Variants in HMGN5 observed in about 807,000 individuals in gnomAD.
HMGN5 encodes the protein high mobility group nucleosome-binding domain-containing protein 5.
A neutral mutation model predicts 9.5 loss-of-function variants in HMGN5; 4 were observed. That is an observed-to-expected ratio of 0.42 (90% CI 0.21 to 0.96). The LOEUF is 0.96. HMGN5 is among the 40% of genes least tolerant of loss of function. The probability of loss-of-function intolerance (pLI) is 0.30; values close to 1 mark genes in which losing one functional copy is unlikely to be tolerated. For missense variants in HMGN5, 192 were observed against 187.5 expected (o/e 1.02, Z -0.14); for synonymous variants, 55 against 57.1 (o/e 0.96, Z 0.16).
At chrX:81,193,755 G>C (rs189477375) in intron 1 of HMGN5, among the ~76,000 whole-genome samples, 5 of 112,093 alleles carry the variant, frequency 4.5e-5, no homozygotes, top group Admixed American at 3.8e-4. Context: ...TCACATATGA[G>C]TTTAGAAAAT....
At chrX:81,122,052 T>A (rs1450768247) in intron 1 of HMGN5, among the ~76,000 whole-genome samples, 1 of 112,494 alleles carries the variant, frequency 8.9e-6, no homozygotes, top group Non-Finnish European at 1.9e-5. Flanking sequence ...CCTAGCGGGA[T>A]AAGTGCTTTT....
At chrX:81,143,131 A>C (rs2147555538) in intron 1 of HMGN5, among the ~76,000 whole-genome samples, 1 of 112,076 alleles carries the variant, frequency 8.9e-6, no homozygotes, top group South Asian at 3.7e-4. Flanking sequence ...AATACAATGG[A>C]TACACAAAAA....
intron 1 of HMGN5, among the ~76,000 whole-genome samples, chrX:81,158,839 GTATAATGTGTAGCTAGCA>G (rs2147570159): frequency 9.0e-6 from 1 of 111,507 alleles, no homozygotes; most frequent in South Asian, 3.7e-4. Flanking sequence ...GTTAATTTTT[GTATAATGTGTAGCTAGCA>G]TTTGGTCCAG....
At chrX:81,167,000 T>C (rs1343967473) in intron 1 of HMGN5, among the ~76,000 whole-genome samples, 1 of 111,319 alleles carries the variant, frequency 9.0e-6, no homozygotes, top group African/African-American at 3.3e-5. Flanking sequence ...ACTTTCAGAA[T>C]AGATATCACT....
intron 1 of HMGN5, among the ~76,000 whole-genome samples, chrX:81,164,615 T>C (rs771023649): frequency 2.7e-5 from 3 of 111,696 alleles, no homozygotes; most frequent in Non-Finnish European, 5.7e-5. Context: ...GGTTGCTCTA[T>C]TATCTATTTG....
At chrX:81,131,419 C>T (rs2075297461) in intron 1 of HMGN5, among the ~76,000 whole-genome samples, 1 of 111,080 alleles carries the variant, frequency 9.0e-6, no homozygotes, top group African/African-American at 3.3e-5. Context: ...GTCAGGTGAA[C>T]CCCTGCAAAG....
intron 1 of HMGN5, among the ~76,000 whole-genome samples, chrX:81,201,317 G>A (rs1418940006): frequency 9.1e-6 from 1 of 110,291 alleles, no homozygotes; most frequent in Admixed American, 9.7e-5. Flanking sequence ...CATTTCCTTA[G>A]AGCTACAAAT....
At chrX:81,122,031 C>T (rs2075270611) in intron 1 of HMGN5, among the ~76,000 whole-genome samples, 1 of 112,593 alleles carries the variant, frequency 8.9e-6, no homozygotes, top group Non-Finnish European at 1.9e-5. Context: ...AACCCGCCAC[C>T]CTTCCCTATT....
intron 1 of HMGN5, among the ~76,000 whole-genome samples, chrX:81,191,457 G>A (rs1254406758): frequency 1.8e-5 from 2 of 111,434 alleles, no homozygotes; most frequent in African/African-American, 6.5e-5. Context: ...TTTCTAGTTT[G>A]CTAATTTTCA....
intron 1 of HMGN5, among the ~76,000 whole-genome samples, chrX:81,128,910 C>G (rs925100715): frequency 9.0e-6 from 1 of 111,679 alleles, no homozygotes; most frequent in African/African-American, 3.2e-5. Context: ...TTACTCAAGT[C>G]TTCGTTTCTT....
intron 1 of HMGN5, among the ~76,000 whole-genome samples, chrX:81,122,519 A>C (rs1045703364): frequency 8.9e-6 from 1 of 111,793 alleles, no homozygotes; most frequent in Non-Finnish European, 1.9e-5. Context: ...TGTGACAAAA[A>C]CCCAGGAGAC....
chrX:81,178,753 G>A (rs1465415352), intron 1 of HMGN5, among the ~76,000 whole-genome samples: 1 of 111,393 alleles, frequency 9.0e-6, no homozygotes, highest in African/African-American at 3.3e-5. Context: ...AACAAAAAAA[G>A]GGAATTTTAG....
intron 4 of HMGN5, 117 bp from the exon 5 acceptor site, chrX:81,118,602 C>T: frequency 4.9e-6 from 4 of 809,989 alleles, no homozygotes; most frequent in Non-Finnish European, 7.1e-6. Context: ...AAAAAAAATA[C>T]ATTTCCTTGG....
At chrX:81,146,029 T>G (rs2075342586) in intron 1 of HMGN5, among the ~76,000 whole-genome samples, 1 of 110,941 alleles carries the variant, frequency 9.0e-6, no homozygotes, top group Admixed American at 9.6e-5. Flanking sequence ...ACAAAGAGAC[T>G]TAGACTCTCA....
intron 1 of HMGN5, among the ~76,000 whole-genome samples, chrX:81,143,695 CT>C (rs2075335533): frequency 8.9e-6 from 1 of 112,531 alleles, no homozygotes; most frequent in East Asian, 2.8e-4. Flanking sequence ...GAGATTCCCT[CT>C]GGTGCCTGGC....
intron 1 of HMGN5, among the ~76,000 whole-genome samples, chrX:81,139,706 G>T (rs1359441679): frequency 6.3e-5 from 7 of 111,503 alleles, no homozygotes; most frequent in Non-Finnish European, 1.3e-4. Flanking sequence ...TACAGCAACA[G>T]TGAGGCACTG....
intron 1 of HMGN5, among the ~76,000 whole-genome samples, chrX:81,179,784 G>A (rs1375039628): frequency 1.8e-5 from 2 of 111,560 alleles, no homozygotes; most frequent in East Asian, 2.8e-4. Flanking sequence ...GAGGCATCAT[G>A]CTACCTGACT....
chrX:81,130,715 G>A (rs1335688113), intron 1 of HMGN5, among the ~76,000 whole-genome samples: 2 of 110,324 alleles, frequency 1.8e-5, no homozygotes, highest in African/African-American at 6.6e-5. Flanking sequence ...CTTGTAGAAC[G>A]TAATTATCCT....
intron 1 of HMGN5, among the ~76,000 whole-genome samples, chrX:81,196,916 C>A (rs1283670294): frequency 9.0e-6 from 1 of 111,322 alleles, no homozygotes; most frequent in Non-Finnish European, 1.9e-5. Context: ...TGAGAAGGTC[C>A]AAGCTTGCTT....
Sources: gnomAD v4.1 joint callset for allele counts (sites outside exome capture counted in the v4.1 genomes callset) on GRCh38, gnomAD v4.1.1 for gene constraint, MANE v1.5 for transcripts, NCBI Gene and HGNC (gene_info 2026-07-23, HGNC 2026-07-21) for gene names.